The following PPIG variants were observed in gnomAD, a reference collection of about 807,000 sequenced individuals.
PPIG encodes the protein peptidyl-prolyl cis-trans isomerase G.
In PPIG, 26 loss-of-function variants were observed where a neutral mutation model predicts 87.9. The ratio of observed to expected loss-of-function variants is 0.30; its 90% confidence interval spans 0.22 to 0.41. PPIG has a LOEUF of 0.41. Among genes scored for constraint, PPIG ranks in the 10% least tolerant of loss-of-function variants. The pLI is 1.00. For missense variants in PPIG, 722 were observed against 879.4 expected (o/e 0.82, Z 2.26); for synonymous variants, 308 against 276.5 (o/e 1.11, Z -1.13).
intron 1 of PPIG, among the ~76,000 whole-genome samples, chr2:169,591,566 A>G (rs1232725543): frequency 1.3e-5 from 2 of 152,130 alleles, no homozygotes; most frequent in African/African-American, 2.4e-5. Context: ...ATGTGTTTTC[A>G]TTATGATGAA....
chr2:169,625,155 T>A (rs1478803319), intron 9 of PPIG, among the ~76,000 whole-genome samples: 1 of 152,218 alleles, frequency 6.6e-6, no homozygotes, highest in African/African-American at 2.4e-5. Flanking sequence ...TATTAACTGT[T>A]CTCACCATGC....
intron 12 of PPIG, among the ~76,000 whole-genome samples, chr2:169,634,453 C>A (rs1285522030): frequency 6.6e-6 from 1 of 152,136 alleles, no homozygotes; most frequent in African/African-American, 2.4e-5. Flanking sequence ...TCATGACTCC[C>A]ATGGCTGGTA....
At chr2:169,616,577 GC>G (rs1685614910) in intron 9 of PPIG, among the ~76,000 whole-genome samples, 1 of 152,136 alleles carries the variant, frequency 6.6e-6, no homozygotes, top group African/African-American at 2.4e-5. Context: ...GTTTTGATTT[GC>G]TTTTCTCTAA....
At chr2:169,593,510 C>T (rs1224983097) in intron 1 of PPIG, among the ~76,000 whole-genome samples, 1 of 152,090 alleles carries the variant, frequency 6.6e-6, no homozygotes, top group African/African-American at 2.4e-5. Context: ...AGGCAAAAGC[C>T]CTCTCCAGTC....
intron 1 of PPIG, among the ~76,000 whole-genome samples, chr2:169,601,644 G>A (rs1685187419): frequency 6.6e-6 from 1 of 152,184 alleles, no homozygotes. Flanking sequence ...CCTGATGAAA[G>A]AGTAGGCTGT....
rs150940867 is a variant in PPIG, at chr2:169,609,895, C to A, written c.377+1137C>A. On this transcript the variant is annotated intron_variant, in intron 7 of 13. Coordinates refer to ENST00000260970, the MANE Select transcript of PPIG (RefSeq NM_004792.3). ...TATTTCTCCGTAAATTACTTAATTA[C>A]AAAGAATAAAATGCAGTCAGTTCTC... is the stretch of plus-strand genomic sequence containing the variant. 2.4e-4 allele frequency among the ~76,000 whole-genome samples: 37 copies of A among 152,218 alleles called. No individual in the cohort carries two copies. The East Asian group carries it at 6.9e-3, about 29-fold the overall frequency.
At chr2:169,608,892 C>G in intron 7 of PPIG, 134 bp downstream of exon 7, 1 of 489,576 alleles carries the variant, frequency 2.0e-6, no homozygotes, top group East Asian at 4.3e-5. Flanking sequence ...ACCATCCTGG[C>G]TAACACGGTG....
chr2:169,585,211 A>T (rs568436581), intron 1 of PPIG, among the ~76,000 whole-genome samples: 2 of 149,750 alleles, frequency 1.3e-5, no homozygotes, highest in East Asian at 4.0e-4. Context: ...GAGGAAGATG[A>T]TGATTTCGGG....
rs935459008 is a variant in PPIG at position 169,641,370 on chromosome 2, G to C, written c.*3847G>C. 6.6e-6 allele frequency: 1 copy of C among 152,026 alleles called. No individual in the cohort carries two copies. The highest frequency in any genetic ancestry group is 1.5e-5 in the Non-Finnish European group (1 of 67,994). The allele number at this position is 152,026 out of a possible 1,614,324, so 9.4% of individuals were successfully genotyped here. On this transcript the variant is annotated 3_prime_UTR_variant, in exon 14 of 14. Transcript: ENST00000260970. ...CTTGGAAGCTGTATTAACTTTTATAGTTAAACATTGTATTAAATAAACTAT... is the reference window on the plus strand; with the variant it reads ...CTTGGAAGCTGTATTAACTTTTATACTTAAACATTGTATTAAATAAACTAT...
At chr2:169,588,122 G>A (rs1357597455) in intron 1 of PPIG, among the ~76,000 whole-genome samples, 7 of 149,560 alleles carry the variant, frequency 4.7e-5, no homozygotes, top group African/African-American at 1.5e-4. Context: ...CCGAGATCAC[G>A]CCATTGCACT....
Position 169,606,103 on chromosome 2 carries a change from A to G in PPIG, c.201A>G (p.Arg67=). Residue 67 remains arginine (R), a synonymous_variant, in exon 5 of 14, where the codon AGA becomes AGG. Transcript: ENST00000260970. ...ATTATAAGAGTTGTCTCTTTCACAG[A>G]GTTGTCAAGGATTTTATGGTTCAAG... ...PLHYKSCLFH[R]VVKDFMVQGG... 6.2e-7 allele frequency: 1 copy of G among 1,613,380 alleles called. No individual in the cohort carries two copies. Among genetic ancestry groups the G allele is most frequent in the Non-Finnish European group, 8.5e-7 (1 of 1,179,400 alleles).
intron 1 of PPIG, 108 bp downstream of exon 1, chr2:169,584,598 G>T (rs1684646164): frequency 4.5e-6 from 2 of 443,642 alleles, no homozygotes; most frequent in Non-Finnish European, 9.0e-6. Flanking sequence ...CGGCTGACCG[G>T]GTTGGGTTTA....
intron 1 of PPIG, among the ~76,000 whole-genome samples, chr2:169,599,347 G>A (rs1685111999): frequency 6.6e-6 from 1 of 151,614 alleles, no homozygotes; most frequent in Non-Finnish European, 1.5e-5. Flanking sequence ...TTTTCATGTG[G>A]CATTTAACAC....
chr2:169,622,418 C>G (rs1276042276), intron 9 of PPIG, among the ~76,000 whole-genome samples: 2 of 152,186 alleles, frequency 1.3e-5, no homozygotes, highest in Non-Finnish European at 2.9e-5. Flanking sequence ...ATATTACTTA[C>G]ATCTTTATAA....
At chr2:169,592,303 C>CTTTTTTTTTTTTTTT (rs777690234) in intron 1 of PPIG, among the ~76,000 whole-genome samples, 1 of 93,568 alleles carries the variant, frequency 1.1e-5, no homozygotes, top group Non-Finnish European at 1.9e-5. Context: ...TGTCTTTTTT[C>CTTTTTTTTTTTTTTT]TTTTTTTTTT....
chr2:169,619,233 A>G (rs910720585), intron 9 of PPIG, among the ~76,000 whole-genome samples: 5 of 152,026 alleles, frequency 3.3e-5, no homozygotes, highest in Non-Finnish European at 7.4e-5. Flanking sequence ...GGTCTGAGAG[A>G]CTTGACTGTT....
At chr2:169,633,564 G>A in intron 12 of PPIG, 1 of 416,736 alleles carries the variant, frequency 2.4e-6, no homozygotes. Flanking sequence ...CCCTATTCTT[G>A]TATTTTATTC....
At chr2:169,588,739 A>G (rs770645308) in intron 1 of PPIG, among the ~76,000 whole-genome samples, 1 of 152,098 alleles carries the variant, frequency 6.6e-6, no homozygotes, top group African/African-American at 2.4e-5. Context: ...AGGTGGGTGG[A>G]TCACCTGAGG....
chr2:169,590,690 C>T (rs897479783), intron 1 of PPIG, among the ~76,000 whole-genome samples: 1 of 152,034 alleles, frequency 6.6e-6, no homozygotes, highest in Non-Finnish European at 1.5e-5. Context: ...CGTGAAGTTC[C>T]CAGAGAGTGA....
Sources: gnomAD v4.1 joint callset for allele counts (sites outside exome capture counted in the v4.1 genomes callset) on GRCh38, gnomAD v4.1.1 for gene constraint, MANE v1.5 for transcripts, NCBI Gene and HGNC (gene_info 2026-07-23, HGNC 2026-07-21) for gene names.